Variants in SLC24A2 observed in about 807,000 individuals in gnomAD.
SLC24A2 encodes sodium/potassium/calcium exchanger 2.
A neutral mutation model predicts 62.0 loss-of-function variants in SLC24A2; 36 were observed. The observed-to-expected ratio is 0.58, with a 90% CI of 0.44 to 0.77. SLC24A2 has a LOEUF of 0.77. Among genes scored for constraint, SLC24A2 ranks in the 30% least tolerant of loss-of-function variants. SLC24A2 has a pLI of 0.00. For synonymous variants in SLC24A2, 358 were observed against 294.0 expected (o/e 1.22, Z -2.23); for missense variants, 846 against 817.9 (o/e 1.03, Z -0.42).
intron 7 of SLC24A2, among the ~76,000 whole-genome samples, chr9:19,555,797 T>G (rs1397856105): frequency 6.6e-6 from 1 of 151,982 alleles, no homozygotes; most frequent in Non-Finnish European, 1.5e-5. Context: ...ATACAAAAAT[T>G]AGCTAGGTGT....
the SLC24A2 span, among the ~76,000 whole-genome samples, chr9:19,917,189 TG>T: frequency 1.3e-5 from 2 of 151,486 alleles, no homozygotes; most frequent in African/African-American, 4.8e-5. Context: ...TTTCAGGTTT[TG>T]TTTTGTTTTG....
chr9:20,305,502 G>A, the SLC24A2 span, among the ~76,000 whole-genome samples: 1 of 152,134 alleles, frequency 6.6e-6, no homozygotes, highest in Non-Finnish European at 1.5e-5. Flanking sequence ...AAAGATGTAG[G>A]TCAGGAGGTA....
At chr9:19,835,808 T>C in the SLC24A2 span, among the ~76,000 whole-genome samples, 19 of 152,268 alleles carry the variant, frequency 1.2e-4, no homozygotes, top group Admixed American at 3.9e-4. Flanking sequence ...TACTCCAAAA[T>C]TGACCACATA....
At chr9:20,086,984 C>T in the SLC24A2 span, among the ~76,000 whole-genome samples, 9 of 152,280 alleles carry the variant, frequency 5.9e-5, no homozygotes, top group African/African-American at 1.7e-4. Flanking sequence ...GAAATGACCA[C>T]CTTCCTAAAT....
chr9:19,821,562 T>C, the SLC24A2 span, among the ~76,000 whole-genome samples: 1 of 152,120 alleles, frequency 6.6e-6, no homozygotes, highest in Non-Finnish European at 1.5e-5. Flanking sequence ...GTCTTAATGA[T>C]CCAGGCCAAG....
intron 2 of SLC24A2, among the ~76,000 whole-genome samples, chr9:19,743,756 C>G (rs1054648477): frequency 2.0e-5 from 3 of 152,124 alleles, no homozygotes; most frequent in Admixed American, 6.6e-5. Flanking sequence ...CTGAGGCACA[C>G]TACTGCCTCT....
chr9:20,182,063 CA>C, the SLC24A2 span, among the ~76,000 whole-genome samples: 1 of 152,146 alleles, frequency 6.6e-6, no homozygotes, highest in Non-Finnish European at 1.5e-5. Flanking sequence ...AAATGCAAAT[CA>C]AAACCACAAT....
At chr9:20,130,409 G>C in the SLC24A2 span, among the ~76,000 whole-genome samples, 1 of 152,004 alleles carries the variant, frequency 6.6e-6, no homozygotes, top group Non-Finnish European at 1.5e-5. Context: ...GTCAAGGAAG[G>C]CCTCTCTGAG....
the SLC24A2 span, among the ~76,000 whole-genome samples, chr9:20,209,586 C>T: frequency 2.0e-5 from 3 of 152,180 alleles, no homozygotes; most frequent in African/African-American, 7.2e-5. Flanking sequence ...AGACTGGGGG[C>T]TCTTGAATCC....
chr9:20,196,558 A>G, the SLC24A2 span, among the ~76,000 whole-genome samples: 1 of 152,202 alleles, frequency 6.6e-6, no homozygotes, highest in Non-Finnish European at 1.5e-5. Context: ...TGAGCCATTT[A>G]TATTTTCTCA....
chr9:19,572,056 G>T (rs1835851331), intron 7 of SLC24A2, among the ~76,000 whole-genome samples: 1 of 151,448 alleles, frequency 6.6e-6, no homozygotes, highest in Admixed American at 6.6e-5. Context: ...GATCACCTGA[G>T]GTCAGAAGTT....
rs1564009833 is a variant in SLC24A2 at position 19,636,331 on chromosome 9, C to CT, written c.931-14033dup. ...TTTCTTTTCTTTTCTTTCTTTCTTT[C>CT]TTTCTTTCTTTCTTTCTTTCTTTCT... On this transcript the variant is annotated intron_variant, in intron 2 of 10. Coordinates refer to ENST00000341998, the MANE Select transcript of SLC24A2 (RefSeq NM_020344.4). 5.0e-3 allele frequency among the ~76,000 whole-genome samples: 98 copies of CT among 19,564 alleles called. 5 individuals are homozygous for CT. The highest frequency in any genetic ancestry group is 0.023 in the Middle Eastern group (1 of 44). The allele number at this position is 19,564 out of a possible 152,430, so 12.8% of individuals were successfully genotyped here.
At chr9:20,073,175 T>G in the SLC24A2 span, among the ~76,000 whole-genome samples, 1 of 152,202 alleles carries the variant, frequency 6.6e-6, no homozygotes, top group Non-Finnish European at 1.5e-5. Flanking sequence ...ATCAAGCTGT[T>G]GTCTGGGGCT....
intron 8 of SLC24A2, among the ~76,000 whole-genome samples, chr9:19,534,066 G>A (rs1833836454): frequency 1.3e-5 from 2 of 152,168 alleles, no homozygotes; most frequent in African/African-American, 2.4e-5. Flanking sequence ...TGGCTGGCAG[G>A]GAATCCAGAA....
chr9:19,948,116 C>T, the SLC24A2 span, among the ~76,000 whole-genome samples: 1 of 152,190 alleles, frequency 6.6e-6, no homozygotes, highest in Non-Finnish European at 1.5e-5. Flanking sequence ...AAGTGGAATG[C>T]GGGACTCTTA....
the SLC24A2 span, among the ~76,000 whole-genome samples, chr9:19,956,383 A>G: frequency 1.3e-5 from 2 of 152,230 alleles, no homozygotes; most frequent in Non-Finnish European, 2.9e-5. Context: ...TCCCCCTGAC[A>G]TTCCTGTGTT....
chr9:20,023,857 T>G, the SLC24A2 span, among the ~76,000 whole-genome samples: 3 of 152,170 alleles, frequency 2.0e-5, no homozygotes, highest in Non-Finnish European at 4.4e-5. Context: ...TTTTAAGGAT[T>G]GTCTACCACT....
At chr9:19,636,371 C>CTTTCTTTCTT (rs1564009963) in intron 2 of SLC24A2, among the ~76,000 whole-genome samples, 2 of 33,550 alleles carry the variant, frequency 6.0e-5, no homozygotes, top group Non-Finnish European at 1.1e-4. Context: ...TTCTTTCTTT[C>CTTTCTTTCTT]TTTCTTTCTT....
chr9:20,154,088 T>A, the SLC24A2 span, among the ~76,000 whole-genome samples: 28 of 151,926 alleles, frequency 1.8e-4, no homozygotes, highest in African/African-American at 6.8e-4. Context: ...ATGGTTACTC[T>A]ATACTGTTAC....
Sources: allele counts gnomAD v4.1 joint callset (sites outside exome capture counted in the v4.1 genomes callset), GRCh38; gene constraint gnomAD v4.1.1; transcripts MANE v1.5; gene names NCBI Gene and HGNC (gene_info 2026-07-23, HGNC 2026-07-21).